The following VAT1L variants were observed in gnomAD, a reference collection of about 807,000 sequenced individuals.
VAT1L encodes putative NADPH-dependent quinone oxidoreductase VAT1L.
VAT1L carries 34 observed loss-of-function variants against 44.1 expected under a neutral mutation model. That is an observed-to-expected ratio of 0.77 (90% CI 0.59 to 1.03). The LOEUF (loss-of-function observed/expected upper bound fraction) is 1.03. VAT1L is among the 50% of genes least tolerant of loss of function. VAT1L has a pLI of 0.00. For missense variants in VAT1L, 615 were observed against 538.8 expected (o/e 1.14, Z -1.40); for synonymous variants, 253 against 202.2 (o/e 1.25, Z -2.13).
intron 1 of VAT1L, among the ~76,000 whole-genome samples, chr16:77,795,813 C>CTCTTT (rs2015919974): frequency 3.0e-5 from 3 of 100,582 alleles, no homozygotes; most frequent in African/African-American, 7.5e-5. Flanking sequence ...CCTTTTTTCT[C>CTCTTT]TTTTTTTTTT....
chr16:77,908,808 G>A (rs2017468084), intron 7 of VAT1L, among the ~76,000 whole-genome samples: 1 of 152,076 alleles, frequency 6.6e-6, no homozygotes, highest in African/African-American at 2.4e-5. Context: ...CAGCTACTTG[G>A]GAGGCTGAGG....
chr16:77,849,069 T>G (rs1395597604), intron 3 of VAT1L, among the ~76,000 whole-genome samples: 1 of 152,100 alleles, frequency 6.6e-6, no homozygotes, highest in Non-Finnish European at 1.5e-5. Flanking sequence ...AGGGATAGCA[T>G]TAGGAGAAAT....
At chr16:77,915,512 G>A (rs181024268) in intron 7 of VAT1L, among the ~76,000 whole-genome samples, 1 of 151,682 alleles carries the variant, frequency 6.6e-6, no homozygotes, top group African/African-American at 2.4e-5. Context: ...GTAGGGAAAT[G>A]TCACAGAAGG....
chr16:77,862,713 C>G, intron 3 of VAT1L, 35 bp from the exon 4 acceptor site: 1 of 1,601,882 alleles, frequency 6.2e-7, no homozygotes, highest in Non-Finnish European at 8.5e-7. Context: ...CTGGTGGCTC[C>G]TATGTGTGAC....
At chr16:77,933,714 C>G (rs1188653761) in intron 7 of VAT1L, among the ~76,000 whole-genome samples, 1 of 152,152 alleles carries the variant, frequency 6.6e-6, no homozygotes, top group African/African-American at 2.4e-5. Flanking sequence ...GGGGGATTAA[C>G]AAGTGCAAAG....
intron 7 of VAT1L, among the ~76,000 whole-genome samples, chr16:77,927,635 T>A (rs1318324225): frequency 6.6e-6 from 1 of 152,026 alleles, no homozygotes; most frequent in Non-Finnish European, 1.5e-5. Context: ...CCCAGCACTT[T>A]GGGAGGCTGA....
chr16:77,926,496 A>G (rs2017670676), intron 7 of VAT1L, among the ~76,000 whole-genome samples: 1 of 152,006 alleles, frequency 6.6e-6, no homozygotes, highest in Non-Finnish European at 1.5e-5. Context: ...AGACAGGAGA[A>G]TCGCTTGAAC....
intron 7 of VAT1L, among the ~76,000 whole-genome samples, chr16:77,939,592 C>A (rs1304640818): frequency 6.6e-6 from 1 of 152,136 alleles, no homozygotes; most frequent in Non-Finnish European, 1.5e-5. Context: ...CTGGGTTTGG[C>A]TCTTCTCTTG....
At chr16:77,918,189 C>A (rs2017570902) in intron 7 of VAT1L, among the ~76,000 whole-genome samples, 1 of 152,190 alleles carries the variant, frequency 6.6e-6, no homozygotes, top group African/African-American at 2.4e-5. Context: ...CACTCACCAG[C>A]TGGCCCAGCA....
rs955482647 is a variant in VAT1L, at chr16:77,901,406, C to T, written c.1077+16604C>T. 3.9e-5 allele frequency among the ~76,000 whole-genome samples: 6 copies of T among 152,026 alleles called. No individual in the cohort carries two copies. In the East Asian group the frequency reaches 7.8e-4, roughly 20 times the overall value. ...GTCTTGATCTCCTGACCTTGTGATC[C>T]GCCCGCCTCCGCCTCCCAAAGTGCT... On this transcript the variant is annotated intron_variant, in intron 7 of 8. Transcript: ENST00000302536.
intron 3 of VAT1L, among the ~76,000 whole-genome samples, chr16:77,841,054 A>G (rs927988390): frequency 2.0e-5 from 3 of 152,214 alleles, no homozygotes; most frequent in African/African-American, 7.2e-5. Flanking sequence ...TATTAAATCA[A>G]ATGGCCTTGT....
chr16:77,977,722 A>G lies in VAT1L; in HGVS notation c.*27A>G. 2.5e-6 allele frequency: 4 copies of G among 1,608,116 alleles called. No individual in the cohort carries two copies. Among genetic ancestry groups the G allele is most frequent in the Non-Finnish European group, 3.4e-6 (4 of 1,176,458 alleles). ...TGAGGACCCAGGTGGGAGAATGTGA[A>G]GGATGGTTTGGAAGATGAGGACCCG... On this transcript the variant is annotated 3_prime_UTR_variant, in exon 9 of 9. Coordinates refer to ENST00000302536, the MANE Select transcript of VAT1L (RefSeq NM_020927.3).
chr16:77,933,370 GGATT>G (rs1458656675), intron 7 of VAT1L, among the ~76,000 whole-genome samples: 6 of 152,168 alleles, frequency 3.9e-5, no homozygotes, highest in Admixed American at 3.9e-4. Flanking sequence ...GTTGTTGTGA[GGATT>G]GATTAAATCA....
At chr16:77,824,058 A>G (rs1206499336) in intron 2 of VAT1L, among the ~76,000 whole-genome samples, 8 of 152,156 alleles carry the variant, frequency 5.3e-5, no homozygotes, top group Non-Finnish European at 1.0e-4. Context: ...AAAACCTCGC[A>G]TGAGGAGGAA....
At chr16:77,871,085 C>T (rs1056290532) in intron 4 of VAT1L, among the ~76,000 whole-genome samples, 8 of 152,078 alleles carry the variant, frequency 5.3e-5, no homozygotes, top group Non-Finnish European at 8.8e-5. Flanking sequence ...AATTCTTACC[C>T]GAAGGAACAT....
At chr16:77,791,047 T>G (rs559553372) in intron 1 of VAT1L, among the ~76,000 whole-genome samples, 1 of 152,254 alleles carries the variant, frequency 6.6e-6, no homozygotes. Context: ...CAGCCCAGAT[T>G]GATTTTCCTT....
chr16:77,828,059 T>A (rs1191776108), intron 3 of VAT1L, among the ~76,000 whole-genome samples: 1 of 152,134 alleles, frequency 6.6e-6, no homozygotes, highest in African/African-American at 2.4e-5. Context: ...AAACGAGATT[T>A]GATAGGTGGT....
At chr16:77,876,255 A>G in intron 4 of VAT1L, 115 bp from the exon 5 acceptor site, 2 of 861,214 alleles carry the variant, frequency 2.3e-6, no homozygotes, top group Non-Finnish European at 3.9e-6. Flanking sequence ...CTACTCCTGG[A>G]GCTTTCAGGG....
Position 77,884,196 on chromosome 16 carries a change from C to A in VAT1L, c.883-412C>A, listed in dbSNP as rs534473633. On this transcript the variant is annotated intron_variant, in intron 6 of 8. Transcript: ENST00000302536. The surrounding 1 kb of genome is among the most constrained non-coding windows in gnomAD (Gnocchi z 4.5). The stretch of plus-strand genomic sequence containing the variant: ...AAAAAAAATACACCACTGTCCAAGG[C>A]GGGTGGATCACGAGGTCAGGAGTTC... Among the ~76,000 whole-genome samples the A allele has an allele frequency of 6.6e-6, 1 of 151,982 alleles. No homozygotes were observed. Among genetic ancestry groups the A allele is most frequent in the Non-Finnish European group, 1.5e-5 (1 of 68,014 alleles).
Sources: gnomAD v4.1 joint callset for allele counts (sites outside exome capture counted in the v4.1 genomes callset) on GRCh38, gnomAD v4.1.1 for gene constraint, Gnocchi (gnomAD v3.1) non-coding constraint, MANE v1.5 for transcripts, NCBI Gene and HGNC (gene_info 2026-07-23, HGNC 2026-07-21) for gene names.